Variants in NFIL3 observed in about 807,000 individuals in gnomAD.
The protein encoded by NFIL3 is nuclear factor interleukin-3-regulated protein.
In NFIL3, 5 loss-of-function variants were observed where a neutral mutation model predicts 10.0. That is an observed-to-expected ratio of 0.50 (90% CI 0.26 to 1.06). The LOEUF (loss-of-function observed/expected upper bound fraction) is 1.06. Ranked by LOEUF, NFIL3 falls within the 50% of genes least tolerant of loss-of-function variation. The pLI, the probability that NFIL3 is intolerant of heterozygous loss-of-function variation, is 0.13. For synonymous variants in NFIL3, 202 were observed against 206.5 expected (o/e 0.98, Z 0.19); for missense variants, 436 against 547.6 (o/e 0.80, Z 2.03).
the NFIL3 span, among the ~76,000 whole-genome samples, chr9:91,452,906 A>C: frequency 1.5e-3 from 232 of 152,128 alleles, 2 homozygotes; most frequent in African/African-American, 5.4e-3. Context: ...AACTTTCTAA[A>C]TTAATTGAGG....
the NFIL3 span, among the ~76,000 whole-genome samples, chr9:91,467,400 T>C: frequency 1.3e-5 from 2 of 152,160 alleles, no homozygotes; most frequent in African/African-American, 4.8e-5. Flanking sequence ...ATCACATTTT[T>C]GATGTCAAAA....
chr9:91,436,841 G>A, the NFIL3 span, among the ~76,000 whole-genome samples: 2 of 152,164 alleles, frequency 1.3e-5, no homozygotes, highest in Non-Finnish European at 2.9e-5. Flanking sequence ...TATATAGTCA[G>A]TTACAATTTC....
At chr9:91,447,813 T>C in the NFIL3 span, among the ~76,000 whole-genome samples, 2 of 152,228 alleles carry the variant, frequency 1.3e-5, no homozygotes, top group Admixed American at 6.5e-5. Flanking sequence ...CAGTGTTCTT[T>C]GATGCACAAA....
chr9:91,460,271 C>CTTTTTTTTTGTTTTTTTTTTTT, the NFIL3 span, among the ~76,000 whole-genome samples: 1 of 70,444 alleles, frequency 1.4e-5, no homozygotes, highest in African/African-American at 9.4e-5. Flanking sequence ...GGGCTTGGTT[C>CTTTTTTTTTGTTTTTTTTTTTT]TTTTTTTTTT....
chr9:91,481,925 T>C, the NFIL3 span, among the ~76,000 whole-genome samples: 1 of 152,186 alleles, frequency 6.6e-6, no homozygotes, highest in African/African-American at 2.4e-5. Flanking sequence ...AATTTGACTA[T>C]TTGCCAGAAA....
the NFIL3 span, among the ~76,000 whole-genome samples, chr9:91,483,126 C>G: frequency 6.6e-6 from 1 of 152,144 alleles, no homozygotes; most frequent in Non-Finnish European, 1.5e-5. Context: ...GTGGTGGGTT[C>G]CAAAGGCCAT....
chr9:91,431,639 A>G, the NFIL3 span, among the ~76,000 whole-genome samples: 1 of 152,118 alleles, frequency 6.6e-6, no homozygotes, highest in Non-Finnish European at 1.5e-5. Flanking sequence ...TTTGACTTGA[A>G]CAGTTTAACC....
At chr9:91,479,711 T>A in the NFIL3 span, among the ~76,000 whole-genome samples, 1 of 152,068 alleles carries the variant, frequency 6.6e-6, no homozygotes, top group South Asian at 2.1e-4. Flanking sequence ...AAAGAAAAAA[T>A]CCTGCAGCTA....
upstream of NFIL3, among the ~76,000 whole-genome samples, chr9:91,425,327 C>T (rs1347190481): frequency 6.6e-6 from 1 of 152,250 alleles, no homozygotes; most frequent in Non-Finnish European, 1.5e-5. Flanking sequence ...CTTTCCCCTT[C>T]TTGCACAGTT....
Position 91,423,717 on chromosome 9 carries a change from C to G in NFIL3, c.-250G>C, listed in dbSNP as rs1379070695. The G allele has an allele frequency of 6.9e-6, 1 of 144,632 alleles. No homozygotes were observed. Among genetic ancestry groups the G allele is most frequent in the Non-Finnish European group, 1.5e-5 (1 of 65,480 alleles). 9.0% of individuals were successfully genotyped at this position (144,632 alleles called of 1,614,324 possible). A position where few individuals can be genotyped will look rare whatever the true frequency, so the allele number is the denominator to read the frequency against. ...GGGCCGCCGGCGCTCGGGGCTCGGG[C>G]CGGGCCGGGCCTCCGGGGCCGCGGC... On this transcript the variant is annotated 5_prime_UTR_variant, in exon 1 of 2. Coordinates refer to ENST00000297689, the MANE Select transcript of NFIL3 (RefSeq NM_005384.3).
the NFIL3 span, among the ~76,000 whole-genome samples, chr9:91,429,588 G>A: frequency 1.3e-5 from 2 of 150,408 alleles, no homozygotes; most frequent in Non-Finnish European, 3.0e-5. Context: ...AGAGATTAAA[G>A]TGAATGCTCT....
the NFIL3 span, among the ~76,000 whole-genome samples, chr9:91,479,653 A>G: frequency 6.6e-6 from 1 of 152,118 alleles, no homozygotes; most frequent in East Asian, 1.9e-4. Flanking sequence ...AGGGGAGTGA[A>G]CAGTTCTGTC....
the NFIL3 span, among the ~76,000 whole-genome samples, chr9:91,483,372 GA>G: frequency 1.3e-5 from 2 of 152,220 alleles, no homozygotes; most frequent in South Asian, 4.1e-4. Flanking sequence ...AAAGCCTGGA[GA>G]GGACAAGAGG....
chr9:91,454,521 T>G, the NFIL3 span, among the ~76,000 whole-genome samples: 1 of 152,078 alleles, frequency 6.6e-6, no homozygotes, highest in Non-Finnish European at 1.5e-5. Flanking sequence ...CCAAAGTGAT[T>G]GTCAATTTTT....
At chr9:91,437,974 G>T in the NFIL3 span, among the ~76,000 whole-genome samples, 1 of 152,090 alleles carries the variant, frequency 6.6e-6, no homozygotes, top group Non-Finnish European at 1.5e-5. Context: ...AAACACGGGC[G>T]TGCACATACC....
At chr9:91,480,332 A>G in the NFIL3 span, among the ~76,000 whole-genome samples, 1 of 152,134 alleles carries the variant, frequency 6.6e-6, no homozygotes, top group African/African-American at 2.4e-5. Context: ...TATAGTAGTT[A>G]AACCCGTGTG....
At chr9:91,450,732 T>G in the NFIL3 span, among the ~76,000 whole-genome samples, 1 of 152,196 alleles carries the variant, frequency 6.6e-6, no homozygotes, top group African/African-American at 2.4e-5. Context: ...TAGTTTATAG[T>G]GTTGTTCAAG....
In NFIL3 at chr9:91,410,218, T is replaced by C. The variant is rs1303755489; in HGVS notation, c.517A>G (p.Ser173Gly). Residue 173 changes from serine to glycine, a missense_variant, in exon 2 of 2, where the codon AGT becomes GGT. By Grantham distance (56) the Ser-to-Gly change is moderately conservative (BLOSUM62 0). Coordinates refer to ENST00000297689, the MANE Select transcript of NFIL3 (RefSeq NM_005384.3). This position sits in a 1 kb window ranked among gnomAD's most constrained non-coding sequence, Gnocchi z 5.7. ...VDEHEPSMVS[S>G]SCISVIKHSP... ...TGTTTAATGACAGAAATACAACTAC[T>C]TGACACCATCGAGGGTTCGTGCTCG... 3 of 1,614,118 alleles carry C rather than the reference T, an allele frequency of 1.9e-6. No homozygotes were observed. The highest frequency in any genetic ancestry group is 2.5e-6 in the Non-Finnish European group (3 of 1,180,010).
At position 91,410,232 on chromosome 9, in the gene NFIL3, G is replaced by T; in HGVS notation, c.503C>A (p.Pro168His). 6.2e-7 allele frequency: 1 copy of T among 1,614,126 alleles called. No individual in the cohort carries two copies. Among genetic ancestry groups the T allele is most frequent in the Non-Finnish European group, 8.5e-7 (1 of 1,180,032 alleles). The change falls in exon 2 of 2, where the codon CCC becomes CAC. Residue 168 changes from proline to histidine, a missense_variant. Pro to His is a moderately conservative substitution (Grantham distance 77, BLOSUM62 -2). Around this residue, in one of 3 missense-constraint regions of NFIL3, gnomAD observed 338 missense variants for 399.9 expected, o/e 0.85. Coordinates refer to ENST00000297689, the MANE Select transcript of NFIL3 (RefSeq NM_005384.3). The surrounding 1 kb of genome is among the most constrained non-coding windows in gnomAD (Gnocchi z 5.7). ...NVSSFVDEHE[P>H]SMVSSSCISV... ...AATACAACTACTTGACACCATCGAG[G>T]GTTCGTGCTCGTCCACAAATGAACT... is the stretch of plus-strand genomic sequence containing the variant.
Sources: gnomAD v4.1 joint callset for allele counts (sites outside exome capture counted in the v4.1 genomes callset) on GRCh38, gnomAD v4.1.1 for gene constraint, gnomAD v4.1.1 regional missense constraint, Gnocchi (gnomAD v3.1) non-coding constraint, MANE v1.5 for transcripts, NCBI Gene and HGNC (gene_info 2026-07-23, HGNC 2026-07-21) for gene names.